The following CYTH2 variants were observed in gnomAD, a reference collection of about 807,000 sequenced individuals.
CYTH2 encodes the protein cytohesin 2.
A neutral mutation model predicts 55.4 loss-of-function variants in CYTH2; 24 were observed. The observed-to-expected ratio is 0.43, with a 90% CI of 0.31 to 0.61. CYTH2 has a LOEUF of 0.61. CYTH2 is among the 20% of genes least tolerant of loss of function. The probability of loss-of-function intolerance (pLI) is 0.08; values close to 1 mark genes in which losing one functional copy is unlikely to be tolerated. For synonymous variants in CYTH2, 221 were observed against 209.6 expected, an observed-to-expected ratio of 1.05 and a Z score of -0.47; for missense variants, 378 against 533.5, an observed-to-expected ratio of 0.71 and a Z score of 2.87.
chr19:48,472,735 G>A, intron 4 of CYTH2: 1 of 442,546 alleles, frequency 2.3e-6, no homozygotes, highest in South Asian at 2.0e-5. Flanking sequence ...CAAGGATCAT[G>A]GGAGCTTGAG....
In CYTH2 at chr19:48,470,466, AG is replaced by A; in HGVS notation, c.134del (p.Ser45ThrfsTer62). 6.2e-7 allele frequency: 1 copy of A among 1,614,056 alleles called. No homozygotes were observed. Among genetic ancestry groups the A allele is most frequent in the Non-Finnish European group, 8.5e-7 (1 of 1,179,984 alleles). Reference sequence around the variant, plus strand: ...GCGGGAGGAGCTCAGTGAAGCCATGAGCGAGGTGGAGGGGCTGGAGGCCAAT... The same window carrying A: ...GCGGGAGGAGCTCAGTGAAGCCATGACGAGGTGGAGGGGCTGGAGGCCAAT... ...RLREELSEAM[S>X]EVEGLEANEG... is the part of the protein sequence containing the mutation. On this transcript the variant is annotated frameshift_variant, in exon 2 of 12. Coordinates refer to ENST00000452733, the MANE Select transcript of CYTH2 (RefSeq NM_004228.7). LOFTEE classifies it high-confidence loss of function.
chr19:48,479,092 C>A (rs1450114577), intron 11 of CYTH2, 31 bp from the exon 12 acceptor site: 4 of 1,609,876 alleles, frequency 2.5e-6, no homozygotes, highest in Non-Finnish European at 3.4e-6. Context: ...GACTCCTTGG[C>A]CCTCATCCTG....
intron 4 of CYTH2, 28 bp downstream of exon 4, chr19:48,472,471 G>GCGCCCCC: frequency 6.3e-7 from 1 of 1,584,682 alleles, no homozygotes; most frequent in Non-Finnish European, 8.6e-7. Flanking sequence ...CTCCTGTGGG[G>GCGCCCCC]CCCCTCCCTC....
At chr19:48,472,464 C>G (rs773686916) in intron 4 of CYTH2, 21 bp downstream of exon 4, 2 of 1,604,766 alleles carry the variant, frequency 1.2e-6, no homozygotes, top group Non-Finnish European at 1.7e-6. Context: ...CACTCAGCTC[C>G]TGTGGGGCCC....
Position 48,470,495 on chromosome 19 carries a change from G to A in CYTH2, c.162G>A (p.Glu54=). 6.2e-7 allele frequency: 1 copy of A among 1,613,742 alleles called. No individual in the cohort carries two copies. The highest frequency in any genetic ancestry group is 2.2e-5 in the East Asian group (1 of 44,876). The change falls in exon 2 of 12, where the codon GAG becomes GAA. Residue 54 remains glutamate (E), a synonymous_variant. Coordinates refer to ENST00000452733, the MANE Select transcript of CYTH2 (RefSeq NM_004228.7). ...AGGTGGAGGGGCTGGAGGCCAATGAGGGCAGGTGAGGGCTGGGGCGGATGA... is the reference window on the plus strand; with the variant it reads ...AGGTGGAGGGGCTGGAGGCCAATGAAGGCAGGTGAGGGCTGGGGCGGATGA... ...MSEVEGLEAN[E]GSKTLQRNRK... is the part of the protein sequence containing the mutation.
rs563053768 is a variant in CYTH2, at chr19:48,479,704, A to G, written c.*494A>G. The G allele has an allele frequency of 6.3e-6, 1 of 159,616 alleles. No individual in the cohort carries two copies. The highest frequency in any genetic ancestry group is 1.7e-4 in the South Asian group (1 of 5,810). The allele number at this position is 159,616 out of a possible 1,614,324, so 9.9% of individuals were successfully genotyped here. A position where few individuals can be genotyped will look rare whatever the true frequency, so the allele number is the denominator to read the frequency against. On this transcript the variant is annotated 3_prime_UTR_variant, in exon 12 of 12. Transcript: ENST00000452733. The stretch of plus-strand genomic sequence containing the variant: ...ACGCTACAGCCATCAGCTAGTTCCC[A>G]TCGTTGCTTTCATGGGGCTTGAGGT...
In CYTH2 at chr19:48,470,728, C is replaced by T. The variant is rs952438529; in HGVS notation, c.234+59C>T. The T allele has an allele frequency of 6.3e-6, 10 of 1,593,384 alleles. No homozygotes were observed. The South Asian group carries it at 1.1e-4, about 18-fold the overall frequency. On this transcript the variant is annotated intron_variant, in intron 3 of 11. Coordinates refer to ENST00000452733, the MANE Select transcript of CYTH2 (RefSeq NM_004228.7). ...CAAACATCCAGGCAGGGGCTTCTGG[C>T]ACCTCCGGGTTCCAGAAGCGTGATG...
Position 48,474,871 on chromosome 19 carries a change from A to G in CYTH2, c.730A>G (p.Lys244Glu). 1.2e-6 allele frequency: 2 copies of G among 1,614,156 alleles called. No homozygotes were observed. Among genetic ancestry groups the G allele is most frequent in the South Asian group, 2.2e-5 (2 of 91,090 alleles). The change falls in exon 8 of 12, where the codon AAG (lysine) becomes GAG (glutamate). Residue 244 changes from lysine to glutamate, a missense_variant. Physicochemically the swap from Lys to Glu is moderately conservative, Grantham distance 56. Transcript: ENST00000452733. The surrounding 1 kb of genome is among the most constrained non-coding windows in gnomAD (Gnocchi z 4.9). ...LYDSIRNEPF[K>E]IPEDDGNDLT... ...CGACAGCATCCGAAATGAGCCCTTC[A>G]AGATTCCTGAGGATGACGGGAATGA...
In CYTH2 at chr19:48,474,667, G is replaced by A. The variant is rs1439561699; in HGVS notation, c.697-171G>A. 2.0e-5 allele frequency among the ~76,000 whole-genome samples: 3 copies of A among 151,726 alleles called. No individual in the cohort carries two copies. The highest frequency in any genetic ancestry group is 2.4e-5 in the African/African-American group (1 of 41,264). ...CACCAGGGCATCTCTTCTTTCCTCC[G>A]CCACCTCAGCCTCCCTCCACTTCTC... On this transcript the variant is annotated intron_variant, in intron 7 of 11. Coordinates refer to ENST00000452733, the MANE Select transcript of CYTH2 (RefSeq NM_004228.7). This position sits in a 1 kb window ranked among gnomAD's most constrained non-coding sequence, Gnocchi z 4.9.
intron 3 of CYTH2, among the ~76,000 whole-genome samples, chr19:48,471,014 G>T (rs1340061934): frequency 6.6e-6 from 1 of 152,136 alleles, no homozygotes; most frequent in African/African-American, 2.4e-5. Flanking sequence ...CAAAGGTGCC[G>T]TGACGGAGGA....
chr19:48,474,034 C>T lies in CYTH2; in HGVS notation c.547+17C>T. On this transcript the variant is annotated intron_variant, in intron 6 of 11. Coordinates refer to ENST00000452733, the MANE Select transcript of CYTH2 (RefSeq NM_004228.7). This position sits in a 1 kb window ranked among gnomAD's most constrained non-coding sequence, Gnocchi z 4.9. ...AGTCCACAGGTGCGGGCCCCAAATC[C>T]TGGGTCCTGGGAAAGAGGAGACTGG... is the stretch of plus-strand genomic sequence containing the variant. The T allele has an allele frequency of 6.3e-7, 1 of 1,591,664 alleles. No homozygotes were observed. The highest frequency in any genetic ancestry group is 8.6e-7 in the Non-Finnish European group (1 of 1,169,556).
Position 48,478,331 on chromosome 19 carries a change from C to T in CYTH2, c.942C>T (p.Asp314=), listed in dbSNP as rs367971748. ...PLENLSIREV[D]DPRKPNCFEL... The stretch of plus-strand genomic sequence containing the variant: ...AGAATCTGAGCATCCGAGAGGTGGA[C>T]GACCCCCGGAAACCGGTAAGACCCT... Residue 314 remains aspartate (D), a synonymous_variant, in exon 10 of 12, where the codon GAC becomes GAT. Coordinates refer to ENST00000452733, the MANE Select transcript of CYTH2 (RefSeq NM_004228.7). 48 of 1,614,068 alleles carry T rather than the reference C, an allele frequency of 3.0e-5. No individual in the cohort carries two copies. The Middle Eastern group carries it at 5.0e-4, about 17-fold the overall frequency.
rs949680513 is a variant in CYTH2, at chr19:48,470,152, C to G, written c.20-201C>G. On this transcript the variant is annotated intron_variant, in intron 1 of 11. Coordinates refer to ENST00000452733, the MANE Select transcript of CYTH2 (RefSeq NM_004228.7). The stretch of plus-strand genomic sequence containing the variant: ...ACTCAGGAATCCGGGCCCCAATTCC[C>G]CTTGTCCCCCAGGACTCAAGAGTTT... 61 of 863,856 alleles carry G rather than the reference C, an allele frequency of 7.1e-5. 3 individuals are homozygous for G. Among genetic ancestry groups the G allele is most frequent in the Non-Finnish European group, 8.7e-5 (46 of 527,746 alleles). The allele number at this position is 863,856 out of a possible 1,614,324, so 53.5% of individuals were successfully genotyped here.
In CYTH2 at chr19:48,480,093, AGTCTT is replaced by A. The variant is rs1972019916; in HGVS notation, c.*885_*889del. On this transcript the variant is annotated 3_prime_UTR_variant, in exon 12 of 12. Transcript: ENST00000452733. ...TCGAGGATCGCCTCTATGAAGGTGA[AGTCTT>A]GGCATGTGGGGTACCCCTGAATCCT... 6.6e-6 allele frequency: 1 copy of A among 152,240 alleles called. No homozygotes were observed. The highest frequency in any genetic ancestry group is 1.9e-4 in the East Asian group (1 of 5,194). 9.4% of individuals were successfully genotyped at this position (152,240 alleles called of 1,614,324 possible).
rs1217386245 is a variant in CYTH2, at chr19:48,481,222, G to A, written c.*2012G>A. Reference sequence around the variant, plus strand: ...AGGAGTCTTGAAAGAGGAGCCAAAAGGACTTGCTGAGAGCCGCCGCAGCTG... The same window carrying A: ...AGGAGTCTTGAAAGAGGAGCCAAAAAGACTTGCTGAGAGCCGCCGCAGCTG... On this transcript the variant is annotated 3_prime_UTR_variant, in exon 12 of 12. Coordinates refer to ENST00000452733, the MANE Select transcript of CYTH2 (RefSeq NM_004228.7). 3 of 153,056 alleles carry A rather than the reference G, an allele frequency of 2.0e-5. No homozygotes were observed. The East Asian group carries it at 5.8e-4, about 29-fold the overall frequency. The allele number at this position is 153,056 out of a possible 1,614,324, so 9.5% of individuals were successfully genotyped here.
intron 8 of CYTH2, chr19:48,476,429 T>G (rs531422627): frequency 7.5e-5 from 12 of 159,208 alleles, no homozygotes; most frequent in Admixed American, 5.8e-4. Context: ...TGCAAATCAC[T>G]GTCCAGCCAA....
chr19:48,473,165 G>T, intron 4 of CYTH2, 133 bp from the exon 5 acceptor site: 1 of 906,586 alleles, frequency 1.1e-6, no homozygotes. Context: ...TGGGAGTCCA[G>T]CAGGAAACTT....
At position 48,474,274 on chromosome 19, in the gene CYTH2, G is replaced by T; in HGVS notation, c.640G>T (p.Val214Leu). 1 of 1,613,632 alleles carries T rather than the reference G, an allele frequency of 6.2e-7. No individual in the cohort carries two copies. The highest frequency in any genetic ancestry group is 1.1e-5 in the South Asian group (1 of 91,028). The change falls in exon 7 of 12, where the codon GTG (valine) becomes TTG (leucine). Residue 214 changes from valine to leucine, a missense_variant. Transcript: ENST00000452733. This position sits in a 1 kb window ranked among gnomAD's most constrained non-coding sequence, Gnocchi z 4.9. ...GGACAAGCCGGGCCTGGAGCGCTTT[G>T]TGGCCATGAACCGGGGCATCAACGA... ...VRDKPGLERFVAMNRGINEGG... is the reference protein window; with the variant it reads ...VRDKPGLERFLAMNRGINEGG...
At chr19:48,478,382 G>A (rs375376284) in intron 10 of CYTH2, 36 bp downstream of exon 10, 12 of 1,613,558 alleles carry the variant, frequency 7.4e-6, no homozygotes, top group Non-Finnish European at 1.0e-5. Context: ...TGCCAGGGCG[G>A]GGCCTCCTCT....
Sources: gnomAD v4.1 joint callset for allele counts (sites outside exome capture counted in the v4.1 genomes callset) on GRCh38, gnomAD v4.1.1 for gene constraint, Gnocchi (gnomAD v3.1) non-coding constraint, MANE v1.5 for transcripts, NCBI Gene and HGNC (gene_info 2026-07-23, HGNC 2026-07-21) for gene names.